The following RIN3 variants were observed in gnomAD, a reference collection of about 807,000 sequenced individuals.
RIN3 encodes Ras and Rab interactor 3.
A neutral mutation model predicts 76.3 loss-of-function variants in RIN3; 54 were observed. That is an observed-to-expected ratio of 0.71 (90% CI 0.57 to 0.89). The LOEUF is 0.89. Among genes scored for constraint, RIN3 ranks in the 40% least tolerant of loss-of-function variants. RIN3 has a pLI of 0.00. For synonymous variants in RIN3, 576 were observed against 564.0 expected (o/e 1.02, Z -0.30); for missense variants, 1,256 against 1,322.1 (o/e 0.95, Z 0.78).
At chr14:92,653,750 G>A (rs879534014) in intron 6 of RIN3, among the ~76,000 whole-genome samples, 1 of 152,212 alleles carries the variant, frequency 6.6e-6, no homozygotes, top group African/African-American at 2.4e-5. Flanking sequence ...AGGCGCACTG[G>A]CTCAAGCCTA....
chr14:92,583,496 C>T (rs888890594), intron 3 of RIN3, among the ~76,000 whole-genome samples: 2 of 152,174 alleles, frequency 1.3e-5, no homozygotes, highest in African/African-American at 4.8e-5. Context: ...GTGCAGCTGG[C>T]CCTCCAACCT....
intron 1 of RIN3, among the ~76,000 whole-genome samples, chr14:92,537,633 A>ATTTTTTTTTTTTTTT (rs1447906758): frequency 1.2e-5 from 1 of 81,864 alleles, no homozygotes; most frequent in Non-Finnish European, 2.5e-5. Context: ...TGCCTTAGGG[A>ATTTTTTTTTTTTTTT]CTTTTTTTTT....
rs1228069282 is a variant in RIN3, at chr14:92,648,953, C to CACG, written c.533-2629_533-2628insACG. On this transcript the variant is annotated intron_variant, in intron 5 of 9. Coordinates refer to ENST00000216487, the MANE Select transcript of RIN3 (RefSeq NM_024832.5). The surrounding 1 kb of genome is among the most constrained non-coding windows in gnomAD (Gnocchi z 4.1). ...AGGGAATAGCATTAGCCAAGACCTG[C>CACG]TGGTGGGGCAGCGCATGGCACGTGG... 2.0e-5 allele frequency among the ~76,000 whole-genome samples: 3 copies of CACG among 152,170 alleles called. No individual in the cohort carries two copies. In the East Asian group the frequency reaches 5.8e-4, roughly 29 times the overall value.
intron 3 of RIN3, among the ~76,000 whole-genome samples, chr14:92,600,605 C>A (rs1595446264): frequency 6.6e-6 from 1 of 152,336 alleles, no homozygotes. Context: ...CATGGGCCGT[C>A]TTCCATTGAA....
chr14:92,595,227 A>G lies in RIN3; in HGVS notation c.367+17750A>G, dbSNP rs73328364. On this transcript the variant is annotated intron_variant, in intron 3 of 9. Coordinates refer to ENST00000216487, the MANE Select transcript of RIN3 (RefSeq NM_024832.5). Reference sequence around the variant, plus strand: ...TCAAAATGAGCCAAGGGAGAAGGAAAAAAGAGAGGGTTGCAGGAATGGCAT... The same window carrying G: ...TCAAAATGAGCCAAGGGAGAAGGAAGAAAGAGAGGGTTGCAGGAATGGCAT... Among the ~76,000 whole-genome samples, 1,031 of 152,046 alleles carry G rather than the reference A, an allele frequency of 6.8e-3. 12 individuals are homozygous for G. The highest frequency in any genetic ancestry group is 0.024 in the African/African-American group (996 of 41,310).
At chr14:92,662,451 C>G (rs1302984237) in intron 7 of RIN3, among the ~76,000 whole-genome samples, 6 of 152,248 alleles carry the variant, frequency 3.9e-5, no homozygotes, top group African/African-American at 1.4e-4. Flanking sequence ...CGGCTTGTGG[C>G]TGTGTTCAGA....
chr14:92,561,928 C>T (rs1233422187), intron 2 of RIN3, among the ~76,000 whole-genome samples: 1 of 152,184 alleles, frequency 6.6e-6, no homozygotes, highest in East Asian at 1.9e-4. Context: ...TCAAGCAATC[C>T]TCCCACCTCG....
intron 4 of RIN3, among the ~76,000 whole-genome samples, chr14:92,631,785 G>C (rs1016035116): frequency 6.6e-6 from 1 of 151,970 alleles, no homozygotes; most frequent in Non-Finnish European, 1.5e-5. Flanking sequence ...TGTATTTTTA[G>C]TAGAGTCAGG....
chr14:92,629,117 A>AAGAGAGAG (rs58288914), intron 4 of RIN3, among the ~76,000 whole-genome samples: 2,432 of 145,272 alleles, frequency 0.017, 23 homozygotes, highest in Non-Finnish European at 0.026. Context: ...CGGAAAGGAA[A>AAGAGAGAG]AGAGAGAGAG....
chr14:92,659,459 C>A lies in RIN3; in HGVS notation c.2325C>A (p.Leu775=). The change falls in exon 7 of 10, where the codon CTC becomes CTA. Residue 775 remains leucine (L), a synonymous_variant. Coordinates refer to ENST00000216487, the MANE Select transcript of RIN3 (RefSeq NM_024832.5). ...AACTCATCTACGACTCCATGGCCCT[C>A]GGCAACCCAGGTCAGTGGGCAGCCG... ...TCKLIYDSMA[L]GNPGKPYGAD... 1.2e-6 allele frequency: 2 copies of A among 1,603,194 alleles called. No individual in the cohort carries two copies. Among genetic ancestry groups the A allele is most frequent in the South Asian group, 2.2e-5 (2 of 89,178 alleles).
intron 1 of RIN3, among the ~76,000 whole-genome samples, chr14:92,530,466 G>A (rs903672934): frequency 6.6e-6 from 1 of 152,198 alleles, no homozygotes; most frequent in Non-Finnish European, 1.5e-5. Flanking sequence ...TAATTGCAGC[G>A]ATTATGTCTG....
chr14:92,544,414 T>TGGGGGGGGGGGGGGGGGGGGGGGG (rs71123353), intron 1 of RIN3, among the ~76,000 whole-genome samples: 12 of 74,560 alleles, frequency 1.6e-4, no homozygotes, highest in Admixed American at 9.5e-4. Flanking sequence ...GTGACAGCTG[T>TGGGGGGGGGGGGGGGGGGGGGGGG]GGGGGGGGGG....
intron 3 of RIN3, among the ~76,000 whole-genome samples, chr14:92,603,896 T>G (rs532086033): frequency 6.6e-6 from 1 of 152,352 alleles, no homozygotes; most frequent in East Asian, 1.9e-4. Context: ...TCTTCCCCAC[T>G]TCTACCCCAG....
At position 92,652,392 on chromosome 14, in the gene RIN3, A is replaced by G; in HGVS notation, c.1343A>G (p.Glu448Gly). 6.2e-7 allele frequency: 1 copy of G among 1,612,316 alleles called. No homozygotes were observed. The highest frequency in any genetic ancestry group is 8.5e-7 in the Non-Finnish European group (1 of 1,179,152). Reference sequence around the variant, plus strand: ...GCCAGCGATCCTCACAGCATGCCAGAGCTGCCCAGGACAGCCAAACAACCC... The same window carrying G: ...GCCAGCGATCCTCACAGCATGCCAGGGCTGCCCAGGACAGCCAAACAACCC... ...VKASDPHSMP[E>G]LPRTAKQPPV... The change falls in exon 6 of 10, where the codon GAG (glutamate) becomes GGG (glycine). Residue 448 changes from glutamate to glycine, a missense_variant. Physicochemically the swap from Glu to Gly is moderately conservative, Grantham distance 98. Around this residue, in one of 3 missense-constraint regions of RIN3, gnomAD observed 610 missense variants for 626.4 expected, o/e 0.97. Coordinates refer to ENST00000216487, the MANE Select transcript of RIN3 (RefSeq NM_024832.5). This position sits in a 1 kb window ranked among gnomAD's most constrained non-coding sequence, Gnocchi z 6.4.
Position 92,643,603 on chromosome 14 carries a change from C to G in RIN3, c.532+2274C>G, listed in dbSNP as rs1887093031. ...ACACCGACCATTGCAGAGCACTTGG[C>G]ATTGTCTTATGTCATTTTTGTGCAT... On this transcript the variant is annotated intron_variant, in intron 5 of 9. Coordinates refer to ENST00000216487, the MANE Select transcript of RIN3 (RefSeq NM_024832.5). This position sits in a 1 kb window ranked among gnomAD's most constrained non-coding sequence, Gnocchi z 4.8. 6.6e-6 allele frequency among the ~76,000 whole-genome samples: 1 copy of G among 152,126 alleles called. No homozygotes were observed. The highest frequency in any genetic ancestry group is 6.6e-5 in the Admixed American group (1 of 15,266).
chr14:92,556,617 C>CAGATAGAT (rs10522743), intron 2 of RIN3, among the ~76,000 whole-genome samples: 2,346 of 151,836 alleles, frequency 0.015, 63 homozygotes, highest in African/African-American at 0.052. Flanking sequence ...GACATACAGA[C>CAGATAGAT]AGACAACAGA....
chr14:92,684,956 TG>T, intron 8 of RIN3, 30 bp from the exon 9 acceptor site: 1 of 1,592,148 alleles, frequency 6.3e-7, no homozygotes, highest in Non-Finnish European at 8.6e-7. Flanking sequence ...GAGGCGGTCC[TG>T]GCTCAGATTC....
chr14:92,543,802 G>A (rs1897180897), intron 1 of RIN3, among the ~76,000 whole-genome samples: 1 of 151,614 alleles, frequency 6.6e-6, no homozygotes, highest in Non-Finnish European at 1.5e-5. Context: ...AGGCTGGAAG[G>A]CTTTTGCTCT....
rs1266482531 is a variant in RIN3 at position 92,688,042 on chromosome 14, G to A, written c.2748G>A (p.Glu916=). The change falls in exon 10 of 10, where the codon GAG becomes GAA. Residue 916 remains glutamate (E), a synonymous_variant. Coordinates refer to ENST00000216487, the MANE Select transcript of RIN3 (RefSeq NM_024832.5). ...CAQCAEKFAV[E]RPQAHRLFVL... is the part of the protein sequence containing the mutation. Reference sequence around the variant, plus strand: ...AGTGCGCGGAGAAGTTCGCGGTGGAGCGGCCGCAGGCGCACCGGCTGTTCG... The same window carrying A: ...AGTGCGCGGAGAAGTTCGCGGTGGAACGGCCGCAGGCGCACCGGCTGTTCG... 1.1e-5 allele frequency: 17 copies of A among 1,597,784 alleles called. No individual in the cohort carries two copies. The highest frequency in any genetic ancestry group is 1.7e-5 in the Admixed American group (1 of 58,168).
Sources: gnomAD v4.1 joint callset for allele counts (sites outside exome capture counted in the v4.1 genomes callset) on GRCh38, gnomAD v4.1.1 for gene constraint, gnomAD v4.1.1 regional missense constraint, Gnocchi (gnomAD v3.1) non-coding constraint, MANE v1.5 for transcripts, NCBI Gene and HGNC (gene_info 2026-07-23, HGNC 2026-07-21) for gene names.